Variants in NCKAP5 observed in about 807,000 individuals in gnomAD.
The protein encoded by NCKAP5 is nck-associated protein 5.
In NCKAP5, 92 loss-of-function variants were observed where a neutral mutation model predicts 167.0. The ratio of observed to expected loss-of-function variants is 0.55; its 90% confidence interval spans 0.47 to 0.66. NCKAP5 has a LOEUF of 0.66. Ranked by LOEUF, NCKAP5 falls within the 30% of genes least tolerant of loss-of-function variation. The probability of loss-of-function intolerance (pLI) is 0.00; values close to 1 mark genes in which losing one functional copy is unlikely to be tolerated. For synonymous variants in NCKAP5, 891 were observed against 877.4 expected (o/e 1.02, Z -0.27); for missense variants, 2,378 against 2,315.0 (o/e 1.03, Z -0.56).
At chr2:133,613,231 G>T in the NCKAP5 span, among the ~76,000 whole-genome samples, 101 of 152,232 alleles carry the variant, frequency 6.6e-4, 3 homozygotes, top group South Asian at 0.02. Context: ...TTATTTTCTT[G>T]GCTGAAAGCT....
chr2:133,437,175 A>G (rs1168716581), intron 3 of NCKAP5, among the ~76,000 whole-genome samples: 1 of 152,056 alleles, frequency 6.6e-6, no homozygotes, highest in Non-Finnish European at 1.5e-5. Flanking sequence ...AACATGGTGA[A>G]ACCCCGTCTC....
intron 9 of NCKAP5, among the ~76,000 whole-genome samples, chr2:132,878,279 G>A (rs184154936): frequency 1.1e-3 from 174 of 152,200 alleles, no homozygotes; most frequent in Non-Finnish European, 1.9e-3. Context: ...TTACTCATGC[G>A]TATAGCCCTG....
At chr2:133,146,069 A>G (rs2083185008) in intron 5 of NCKAP5, among the ~76,000 whole-genome samples, 2 of 152,064 alleles carry the variant, frequency 1.3e-5, no homozygotes, top group Admixed American at 1.3e-4. Flanking sequence ...CTTGTGATGA[A>G]GTTATTAAAA....
intron 19 of NCKAP5, among the ~76,000 whole-genome samples, chr2:132,690,725 G>C (rs72844751): frequency 0.062 from 9,478 of 152,150 alleles, 339 homozygotes; most frequent in East Asian, 0.12. Context: ...TTCTGGGAAG[G>C]TTCAGCCAAT....
intron 4 of NCKAP5, among the ~76,000 whole-genome samples, chr2:133,215,240 T>A (rs1459927892): frequency 2.0e-5 from 3 of 152,124 alleles, no homozygotes; most frequent in Non-Finnish European, 4.4e-5. Context: ...CAAGTTCTGA[T>A]GAACAGATCA....
rs116549593 is a variant in NCKAP5 at position 133,043,383 on chromosome 2, A to G, written c.342-49144T>C. On this transcript the variant is annotated intron_variant, in intron 6 of 19. Coordinates refer to ENST00000409261, the MANE Select transcript of NCKAP5 (RefSeq NM_207363.3). ...ACTTACAGACTAAAAAGTACAATTAAACAGAAATAAAATTTGCCTGAACGT... is the reference window on the plus strand; with the variant it reads ...ACTTACAGACTAAAAAGTACAATTAGACAGAAATAAAATTTGCCTGAACGT... Among the ~76,000 whole-genome samples the G allele has an allele frequency of 1.8e-3, 280 of 152,292 alleles. 1 individual carries two copies. The highest frequency in any genetic ancestry group is 6.5e-3 in the African/African-American group (271 of 41,562).
At chr2:133,203,472 T>C (rs1363815289) in intron 5 of NCKAP5, among the ~76,000 whole-genome samples, 1 of 152,108 alleles carries the variant, frequency 6.6e-6, no homozygotes, top group Non-Finnish European at 1.5e-5. Flanking sequence ...CACACCAACA[T>C]GGTACATGTA....
At chr2:132,699,478 ACTCCCCC>A (rs1687670405) in intron 19 of NCKAP5, among the ~76,000 whole-genome samples, 1 of 133,022 alleles carries the variant, frequency 7.5e-6, no homozygotes, top group South Asian at 2.4e-4. Flanking sequence ...ATCCCTCCCC[ACTCCCCC>A]CTCCCCACGA....
intron 6 of NCKAP5, among the ~76,000 whole-genome samples, chr2:133,002,080 A>T (rs2077802889): frequency 6.6e-6 from 1 of 152,170 alleles, no homozygotes; most frequent in South Asian, 2.1e-4. Context: ...GTATCTGACG[A>T]GGGGTCCTGG....
intron 2 of NCKAP5, among the ~76,000 whole-genome samples, chr2:133,531,245 CTTAT>C (rs1462615049): frequency 7.9e-5 from 12 of 152,120 alleles, no homozygotes; most frequent in East Asian, 3.9e-4. Flanking sequence ...TTATTAATAA[CTTAT>C]TTATTAATAG....
At chr2:132,769,556 A>T (rs971022722) in intron 16 of NCKAP5, among the ~76,000 whole-genome samples, 3 of 152,334 alleles carry the variant, frequency 2.0e-5, no homozygotes, top group Admixed American at 6.5e-5. Context: ...TGGAATTAAG[A>T]TAAACAACCA....
chr2:132,985,264 GAAAGT>G (rs1289984157), intron 7 of NCKAP5, among the ~76,000 whole-genome samples: 1 of 152,124 alleles, frequency 6.6e-6, no homozygotes, highest in East Asian at 1.9e-4. Context: ...TTGAGAACAA[GAAAGT>G]AGAGTCAGAA....
chr2:133,143,102 T>A (rs990650303), intron 5 of NCKAP5, among the ~76,000 whole-genome samples: 4 of 152,098 alleles, frequency 2.6e-5, no homozygotes, highest in Non-Finnish European at 5.9e-5. Context: ...GTGTTTTTTT[T>A]TTAACCAGGC....
At chr2:133,587,020 T>C in the NCKAP5 span, among the ~76,000 whole-genome samples, 14 of 152,202 alleles carry the variant, frequency 9.2e-5, no homozygotes, top group African/African-American at 3.4e-4. Context: ...CTAGCAAAAC[T>C]TGAATTCAGA....
intron 5 of NCKAP5, among the ~76,000 whole-genome samples, chr2:133,164,557 A>G (rs1380130678): frequency 1.3e-5 from 2 of 152,322 alleles, no homozygotes; most frequent in East Asian, 3.9e-4. Flanking sequence ...TATAAACCAT[A>G]GCTTTTTATG....
At chr2:133,486,768 A>C (rs1680943387) in intron 3 of NCKAP5, among the ~76,000 whole-genome samples, 1 of 152,184 alleles carries the variant, frequency 6.6e-6, no homozygotes, top group Non-Finnish European at 1.5e-5. Flanking sequence ...GTCAGGCATT[A>C]TGAGGAGCTG....
chr2:133,485,434 A>G (rs1008067663), intron 3 of NCKAP5, among the ~76,000 whole-genome samples: 9 of 152,176 alleles, frequency 5.9e-5, no homozygotes, highest in African/African-American at 2.2e-4. Context: ...CTAGATGACC[A>G]TATTTATGAG....
chr2:132,834,309 A>C (rs1687727164), intron 11 of NCKAP5, among the ~76,000 whole-genome samples: 1 of 151,934 alleles, frequency 6.6e-6, no homozygotes, highest in South Asian at 2.1e-4. Context: ...CAATCCTCCT[A>C]CCTCAGCCTC....
chr2:133,247,682 C>T (rs112962114), intron 4 of NCKAP5, among the ~76,000 whole-genome samples: 4,395 of 152,224 alleles, frequency 0.029, 194 homozygotes, highest in African/African-American at 0.099. Context: ...CAGAGAAGGC[C>T]TTCATTCATT....
Sources: gnomAD v4.1 joint callset for allele counts (sites outside exome capture counted in the v4.1 genomes callset) on GRCh38, gnomAD v4.1.1 for gene constraint, MANE v1.5 for transcripts, NCBI Gene and HGNC (gene_info 2026-07-23, HGNC 2026-07-21) for gene names.